Variants in NETO2 observed in about 807,000 individuals in gnomAD.
NETO2 encodes the protein neuropilin and tolloid like 2, also known as neuropilin and tolloid-like protein 2.
A neutral mutation model predicts 62.5 loss-of-function variants in NETO2; 28 were observed. The observed-to-expected ratio is 0.45, with a 90% CI of 0.33 to 0.61. NETO2 has a LOEUF of 0.61. Among genes scored for constraint, NETO2 ranks in the 20% least tolerant of loss-of-function variants. NETO2 has a pLI of 0.02. For missense variants in NETO2, 548 were observed against 643.2 expected, an observed-to-expected ratio of 0.85 and a Z score of 1.60; for synonymous variants, 214 against 219.1, an observed-to-expected ratio of 0.98 and a Z score of 0.21.
chr16:47,083,949 A>G (rs1963128139), intron 8 of NETO2, 148 bp from the exon 9 acceptor site: 2 of 619,356 alleles, frequency 3.2e-6, no homozygotes, highest in African/African-American at 1.8e-5. Flanking sequence ...TTTTAAACAA[A>G]TAAAACAACC....
chr16:47,108,774 T>C (rs558487909), intron 7 of NETO2, among the ~76,000 whole-genome samples: 2 of 152,212 alleles, frequency 1.3e-5, no homozygotes, highest in Non-Finnish European at 2.9e-5. Context: ...AATAATATCG[T>C]ATCTGTGTTA....
chr16:47,098,185 T>A (rs542447448), intron 7 of NETO2, among the ~76,000 whole-genome samples: 2 of 152,132 alleles, frequency 1.3e-5, no homozygotes, highest in African/African-American at 4.8e-5. Context: ...ATTTGATGAA[T>A]TGACAGAAGT....
At chr16:47,083,880 T>A in intron 8 of NETO2, 79 bp from the exon 9 acceptor site, 1 of 1,135,646 alleles carries the variant, frequency 8.8e-7, no homozygotes, top group South Asian at 1.6e-5. Context: ...AAGGTATTTT[T>A]AGGTAAAACA....
chr16:47,116,346 G>C (rs115260323), intron 6 of NETO2, among the ~76,000 whole-genome samples: 6,397 of 152,042 alleles, frequency 0.042, 391 homozygotes, highest in African/African-American at 0.14. Context: ...CTGTTCCTAT[G>C]TTTCTGAGAT....
chr16:47,137,615 A>T (rs1207634474), intron 1 of NETO2, among the ~76,000 whole-genome samples: 1 of 152,204 alleles, frequency 6.6e-6, no homozygotes, highest in Admixed American at 6.5e-5. Flanking sequence ...TGCACTTGCC[A>T]GGGACCTTGG....
intron 6 of NETO2, among the ~76,000 whole-genome samples, chr16:47,110,139 A>C (rs774600813): frequency 2.6e-5 from 4 of 152,234 alleles, no homozygotes; most frequent in African/African-American, 4.8e-5. Context: ...TAATTGTAAG[A>C]TATACACATC....
chr16:47,080,549 G>A lies in NETO2; in HGVS notation c.*2672C>T, dbSNP rs1231936623. On this transcript the variant is annotated 3_prime_UTR_variant, in exon 9 of 9. Transcript: ENST00000562435. ...CAATTAGCATTATTCTGGCAATAATGCCTAAGATTTATTAGTTCCATTCTT... is the reference window on the plus strand; with the variant it reads ...CAATTAGCATTATTCTGGCAATAATACCTAAGATTTATTAGTTCCATTCTT... 1 of 152,180 alleles carries A rather than the reference G, an allele frequency of 6.6e-6. No individual in the cohort carries two copies. Among genetic ancestry groups the A allele is most frequent in the South Asian group, 2.1e-4 (1 of 4,830 alleles). 9.4% of individuals were successfully genotyped at this position (152,180 alleles called of 1,614,324 possible).
chr16:47,141,487 A>G (rs1964460758), intron 1 of NETO2, among the ~76,000 whole-genome samples: 2 of 151,934 alleles, frequency 1.3e-5, no homozygotes, highest in Admixed American at 1.3e-4. Flanking sequence ...AACAAAATCA[A>G]GTGATACAAA....
At chr16:47,110,934 G>A (rs955757306) in intron 6 of NETO2, among the ~76,000 whole-genome samples, 9 of 152,198 alleles carry the variant, frequency 5.9e-5, no homozygotes, top group Middle Eastern at 3.4e-3. Flanking sequence ...CACCACTTCC[G>A]TGAGAATGGT....
chr16:47,102,122 C>T (rs1042490405), intron 7 of NETO2, among the ~76,000 whole-genome samples: 4 of 152,034 alleles, frequency 2.6e-5, no homozygotes, highest in African/African-American at 9.7e-5. Context: ...GCCTCAGAAA[C>T]AACGTCACAT....
chr16:47,088,603 T>C (rs1020206074), intron 7 of NETO2, among the ~76,000 whole-genome samples: 41 of 152,288 alleles, frequency 2.7e-4, no homozygotes, highest in Admixed American at 1.0e-3. Context: ...ATAGAGTATC[T>C]AAAATTTTAC....
At chr16:47,083,849 T>C in intron 8 of NETO2, 48 bp from the exon 9 acceptor site, 2 of 1,367,418 alleles carry the variant, frequency 1.5e-6, no homozygotes, top group South Asian at 1.4e-5. Context: ...TACATTAATA[T>C]GAATCCTGGT....
intron 7 of NETO2, among the ~76,000 whole-genome samples, chr16:47,105,685 T>G (rs1305827853): frequency 6.6e-6 from 1 of 152,194 alleles, no homozygotes; most frequent in African/African-American, 2.4e-5. Flanking sequence ...GAGACCTTTC[T>G]GCAAAGAAGA....
At chr16:47,089,698 ATGG>A (rs1372330459) in intron 7 of NETO2, among the ~76,000 whole-genome samples, 5 of 152,084 alleles carry the variant, frequency 3.3e-5, no homozygotes, top group African/African-American at 1.2e-4. Context: ...TGGGGAGTGT[ATGG>A]TGGTGTTTTA....
At chr16:47,091,808 T>C (rs1379201533) in intron 7 of NETO2, among the ~76,000 whole-genome samples, 1 of 152,126 alleles carries the variant, frequency 6.6e-6, no homozygotes, top group Non-Finnish European at 1.5e-5. Context: ...CTAATGGGCT[T>C]CTCTGGGCAG....
intron 6 of NETO2, among the ~76,000 whole-genome samples, chr16:47,111,493 A>T (rs929359220): frequency 6.6e-6 from 1 of 152,248 alleles, no homozygotes; most frequent in Non-Finnish European, 1.5e-5. Context: ...CATAACGTGA[A>T]TCTGACAAAT....
chr16:47,120,800 C>G (rs1964021942), intron 6 of NETO2, among the ~76,000 whole-genome samples: 3 of 152,152 alleles, frequency 2.0e-5, no homozygotes, highest in Admixed American at 1.3e-4. Context: ...TAACTTTTCT[C>G]CTTGTCTGTG....
intron 6 of NETO2, among the ~76,000 whole-genome samples, chr16:47,119,238 G>A (rs1322136069): frequency 4.0e-5 from 6 of 150,036 alleles, no homozygotes; most frequent in Non-Finnish European, 3.0e-5. Context: ...TGCAAGCTCC[G>A]CCTCCTGGGT....
rs1256660628 is a variant in NETO2, at chr16:47,083,415, G to A, written c.1384C>T (p.Arg462Ter). 1 of 1,614,152 alleles carries A rather than the reference G, an allele frequency of 6.2e-7. No individual in the cohort carries two copies. The highest frequency in any genetic ancestry group is 1.7e-5 in the Admixed American group (1 of 60,026). ...GGCTGTGGTTGTGCAAAGTCATTTC[G>A]GAAAGGAAGTTCCATGGAACTGAGG... ...TNLSSMELPF[R>*]NDFAQPQPMK... is the part of the protein sequence containing the mutation. Residue 462 changes from arginine (R) to a stop codon, truncating the protein, a stop_gained, in exon 9 of 9, where the codon CGA becomes TGA. Transcript: ENST00000562435. LOFTEE classifies it high-confidence loss of function.
Sources: allele counts gnomAD v4.1 joint callset (sites outside exome capture counted in the v4.1 genomes callset), GRCh38; gene constraint gnomAD v4.1.1; transcripts MANE v1.5; gene names NCBI Gene and HGNC (gene_info 2026-07-23, HGNC 2026-07-21).